ULK3: variants seen among roughly 807,000 people sequenced by gnomAD.
ULK3 encodes the protein unc-51 like kinase 3, also known as serine/threonine-protein kinase ULK3.
Under a neutral mutation model 69.4 loss-of-function variants are expected in ULK3, and 54 were observed. The observed-to-expected ratio is 0.78, with a 90% confidence interval of 0.63 to 0.98. The LOEUF (loss-of-function observed/expected upper bound fraction) is 0.98. Among genes scored for constraint, ULK3 ranks in the 50% least tolerant of loss-of-function variants. The pLI is 0.00. For synonymous variants in ULK3, 240 were observed against 254.5 expected (o/e 0.94, Z 0.54); for missense variants, 558 against 627.7 (o/e 0.89, Z 1.19).
intron 10 of ULK3, 59 bp from the exon 11 acceptor site, chr15:74,838,563 G>A (rs568497047): frequency 9.6e-6 from 15 of 1,569,010 alleles, no homozygotes; most frequent in Non-Finnish European, 1.3e-5. Context: ...GCTGCAGGAT[G>A]CCTCTCCCCA....
rs765688692 is a variant in ULK3 at position 74,840,233 on chromosome 15, C to A, written c.696+1G>T. On this transcript the variant is annotated splice_donor_variant, in intron 6 of 15. Coordinates refer to ENST00000440863, the MANE Select transcript of ULK3 (RefSeq NM_001099436.4). LOFTEE classifies it high-confidence loss of function. ...GGTCGCTAAGGCCCTGCTAGACACA[C>A]CTCGATGACCCGGTTGCTACGGATC... 10 of 1,607,788 alleles carry A rather than the reference C, an allele frequency of 6.2e-6. No individual in the cohort carries two copies. The highest frequency in any genetic ancestry group is 7.6e-6 in the Non-Finnish European group (9 of 1,177,428).
chr15:74,841,533 G>T (rs190792997), intron 3 of ULK3, 24 bp from the exon 4 acceptor site: 6 of 1,608,106 alleles, frequency 3.7e-6, no homozygotes, highest in South Asian at 1.1e-5. Flanking sequence ...CCCACGAAGA[G>T]AGACAGTTCA....
At position 74,842,671 on chromosome 15, in the gene ULK3, C is replaced by T; in HGVS notation, c.103-251G>A. ...CTCGGCTAGCTGATCCATTTCTTTG[C>T]ATTCTGGAGTGCTCCCGGCAGAGGC... is the stretch of plus-strand genomic sequence containing the variant. On this transcript the variant is annotated intron_variant, in intron 1 of 15. Coordinates refer to ENST00000440863, the MANE Select transcript of ULK3 (RefSeq NM_001099436.4). This position sits in a 1 kb window ranked among gnomAD's most constrained non-coding sequence, Gnocchi z 4.9. 3 of 1,535,670 alleles carry T rather than the reference C, an allele frequency of 2.0e-6. No homozygotes were observed. The highest frequency in any genetic ancestry group is 2.6e-6 in the Non-Finnish European group (3 of 1,146,804).
intron 13 of ULK3, 68 bp downstream of exon 13, chr15:74,838,084 G>A: frequency 6.5e-7 from 1 of 1,538,602 alleles, no homozygotes; most frequent in Non-Finnish European, 8.8e-7. Flanking sequence ...ACCCAAAGAG[G>A]TCCCCACAGG....
Position 74,842,731 on chromosome 15 carries a change from C to T in ULK3, c.102+273G>A. On this transcript the variant is annotated intron_variant, in intron 1 of 15. Coordinates refer to ENST00000440863, the MANE Select transcript of ULK3 (RefSeq NM_001099436.4). The surrounding 1 kb of genome is among the most constrained non-coding windows in gnomAD (Gnocchi z 4.9). ...AGGGTTCTAGAACCGCCCACTCTGC[C>T]TCCCAACTGGCTCCAGTCCCAGACT... 6.6e-7 allele frequency: 1 copy of T among 1,519,934 alleles called. No homozygotes were observed. Among genetic ancestry groups the T allele is most frequent in the Admixed American group, 2.0e-5 (1 of 50,578 alleles). The allele number at this position is 1,519,934 out of a possible 1,614,324, so 94.2% of individuals were successfully genotyped here.
chr15:74,841,798 G>A (rs2064260597), intron 3 of ULK3, among the ~76,000 whole-genome samples: 1 of 152,046 alleles, frequency 6.6e-6, no homozygotes, highest in East Asian at 1.9e-4. Flanking sequence ...CACAGCACTT[G>A]AGTCCTACCT....
At chr15:74,841,969 G>A in intron 3 of ULK3, 106 bp downstream of exon 3, 13 of 1,545,392 alleles carry the variant, frequency 8.4e-6, no homozygotes, top group Non-Finnish European at 1.1e-5. Flanking sequence ...GGCTGTGCAG[G>A]AGGCAGCTGC....
chr15:74,840,676 T>G, intron 4 of ULK3, 35 bp from the exon 5 acceptor site: 1 of 1,529,976 alleles, frequency 6.5e-7, no homozygotes, highest in Non-Finnish European at 8.8e-7. Flanking sequence ...GGGCTTGAAT[T>G]CCAGCTGCTT....
Position 74,839,552 on chromosome 15 carries a change from G to C in ULK3, c.852+6C>G. The C allele has an allele frequency of 3.2e-6, 5 of 1,553,320 alleles. No individual in the cohort carries two copies. Among genetic ancestry groups the C allele is most frequent in the Non-Finnish European group, 3.5e-6 (4 of 1,150,582 alleles). ...CAGCCCACCCCAGCCCCAGCCGTCTGCTCACTGCTCGCCCCAGACTCTCCC... is the reference window on the plus strand; with the variant it reads ...CAGCCCACCCCAGCCCCAGCCGTCTCCTCACTGCTCGCCCCAGACTCTCCC... On this transcript the variant is annotated splice_donor_region_variant and intron_variant, in intron 7 of 15. Transcript: ENST00000440863.
chr15:74,841,254 TG>T (rs1317091031), intron 4 of ULK3, 150 bp downstream of exon 4: 6 of 607,550 alleles, frequency 9.9e-6, no homozygotes, highest in Non-Finnish European at 1.7e-5. Flanking sequence ...TTCCACCTTT[TG>T]ATGACAGGGC....
Position 74,839,278 on chromosome 15 carries a change from A to G in ULK3, c.948T>C (p.Pro316=), listed in dbSNP as rs757450982. ...TGGCCTGGGACTCACAGTGCAGGGC[A>G]GGTACAAAGAAGTCCAGAGCCTTGC... is the stretch of plus-strand genomic sequence containing the variant. ...LYCKALDFFV[P]ALHYEVDAQR... is the part of the protein sequence containing the mutation. The change falls in exon 8 of 16, where the codon CCT becomes CCC. Residue 316 remains proline, a synonymous_variant. Coordinates refer to ENST00000440863, the MANE Select transcript of ULK3 (RefSeq NM_001099436.4). 28 of 1,558,214 alleles carry G rather than the reference A, an allele frequency of 1.8e-5. No homozygotes were observed. In the South Asian group the frequency reaches 3.3e-4, roughly 18 times the overall value.
intron 4 of ULK3, among the ~76,000 whole-genome samples, chr15:74,841,043 G>C (rs1162477422): frequency 6.6e-6 from 1 of 152,096 alleles, no homozygotes; most frequent in East Asian, 1.9e-4. Flanking sequence ...TCACAGACTT[G>C]AGCCCCAATT....
rs1453850927 is a variant in ULK3 at position 74,837,081 on chromosome 15, G to T, written c.*147C>A. The T allele has an allele frequency of 2.7e-6, 3 of 1,122,260 alleles. No individual in the cohort carries two copies. Among genetic ancestry groups the T allele is most frequent in the Non-Finnish European group, 3.7e-6 (3 of 808,054 alleles). The allele number at this position is 1,122,260 out of a possible 1,614,324, so 69.5% of individuals were successfully genotyped here. A position where few individuals can be genotyped will look rare whatever the true frequency, so the allele number is the denominator to read the frequency against. On this transcript the variant is annotated 3_prime_UTR_variant, in exon 16 of 16. Transcript: ENST00000440863. The stretch of plus-strand genomic sequence containing the variant: ...TGCAGAGTAACCTGAGGGAGGCTGG[G>T]GACTCTGGGATATGGGGGTCTCAGC...
Position 74,839,562 on chromosome 15 carries a change from C to T in ULK3, c.848G>A (p.Arg283Gln), listed in dbSNP as rs538673270. 602 of 1,557,834 alleles carry T rather than the reference C, an allele frequency of 3.9e-4. 6 individuals carry two copies. The South Asian group carries it at 6.7e-3, about 17-fold the overall frequency. Residue 283 changes from arginine (R) to glutamine (Q), a missense_variant, in exon 7 of 16, where the codon CGA becomes CAA. By Grantham distance (43) the Arg-to-Gln change is conservative (BLOSUM62 1). Transcript: ENST00000440863. ...EHMPSGESLG[R>Q]ATALVVQAVK... ...CAGCCCCAGCCGTCTGCTCACTGCT[C>T]GCCCCAGACTCTCCCCACTGGGCAT...
chr15:74,842,876 G>A lies in ULK3; in HGVS notation c.102+128C>T, dbSNP rs990217888. 4.4e-5 allele frequency: 58 copies of A among 1,329,888 alleles called. No homozygotes were observed. Among genetic ancestry groups the A allele is most frequent in the South Asian group, 2.9e-4 (20 of 69,410 alleles). 82.4% of individuals were successfully genotyped at this position (1,329,888 alleles called of 1,614,324 possible). ...CAGTCGGCTCCAACCTCCGCCGAGG[G>A]TCAGCTGGGGCGAGGCCGGCCTCCC... On this transcript the variant is annotated intron_variant, in intron 1 of 15. Coordinates refer to ENST00000440863, the MANE Select transcript of ULK3 (RefSeq NM_001099436.4). This position sits in a 1 kb window ranked among gnomAD's most constrained non-coding sequence, Gnocchi z 4.9.
Position 74,840,504 on chromosome 15 carries a change from G to C in ULK3, c.607C>G (p.Leu203Val). Reference protein sequence around the residue: ...RVDLWSMGVILYEALFGQPPF... With the variant: ...RVDLWSMGVIVYEALFGQPPF... ...CAGGGAAAAGAGGTCTCACCATACA[G>C]GATGACCCCCATGGACCAGAGGTCC... The change falls in exon 5 of 16, where the codon CTG (leucine) becomes GTG (valine). Residue 203 changes from leucine (L) to valine (V), a missense_variant. Transcript: ENST00000440863. The C allele has an allele frequency of 1.2e-6, 2 of 1,606,552 alleles. No homozygotes were observed. The highest frequency in any genetic ancestry group is 1.7e-6 in the Non-Finnish European group (2 of 1,176,864).
chr15:74,841,546 G>A, intron 3 of ULK3, 37 bp from the exon 4 acceptor site: 2 of 1,566,056 alleles, frequency 1.3e-6, no homozygotes, highest in South Asian at 1.1e-5. Context: ...ACAGTTCAGA[G>A]CCCATTCCCG....
At chr15:74,838,237 C>A in intron 12 of ULK3, 29 bp downstream of exon 12, 1 of 1,564,084 alleles carries the variant, frequency 6.4e-7, no homozygotes, top group Non-Finnish European at 8.7e-7. Context: ...GCCAGAGGCC[C>A]TGTGGGGGGC....
intron 8 of ULK3, 56 bp downstream of exon 8, chr15:74,839,212 C>T (rs774313266): frequency 5.5e-5 from 85 of 1,536,646 alleles, no homozygotes; most frequent in Non-Finnish European, 7.3e-5. Flanking sequence ...ACTGCAGCCA[C>T]AGATGACTCC....
Sources: allele counts gnomAD v4.1 joint callset (sites outside exome capture counted in the v4.1 genomes callset), GRCh38; gene constraint gnomAD v4.1.1; non-coding constraint Gnocchi (gnomAD v3.1); transcripts MANE v1.5; gene names NCBI Gene and HGNC (gene_info 2026-07-23, HGNC 2026-07-21).